Variants in KLHL42 observed in about 807,000 individuals in gnomAD.
KLHL42 encodes kelch like family member 42.
In KLHL42, 27 loss-of-function variants were observed where a neutral mutation model predicts 32.7. The ratio of observed to expected loss-of-function variants is 0.83; its 90% CI spans 0.61 to 1.14. KLHL42 has a LOEUF of 1.14. Among genes scored for constraint, KLHL42 ranks in the 50% most tolerant of loss-of-function variants. The pLI, the probability that KLHL42 is intolerant of heterozygous loss-of-function variation, is 0.00. For missense variants in KLHL42, 491 were observed against 560.8 expected (o/e 0.88, Z 1.26); for synonymous variants, 267 against 248.2 (o/e 1.08, Z -0.71).
Position 27,781,096 on chromosome 12 carries a change from T to C in KLHL42, c.766T>C (p.Phe256Leu). ...YGSAILDNYL[F>L]IVGGYRITSQ... ...GTCTGCCATCCTGGACAACTACCTC[T>C]TCATAGTGGGCGGGTACAGGATCAC... is the stretch of plus-strand genomic sequence containing the variant. The change falls in exon 1 of 3, where the codon TTC becomes CTC. Residue 256 changes from phenylalanine to leucine, a missense_variant. Coordinates refer to ENST00000381271, the MANE Select transcript of KLHL42 (RefSeq NM_020782.2). The C allele has an allele frequency of 1.9e-6, 3 of 1,614,156 alleles. No homozygotes were observed. In the African/African-American group the frequency reaches 4.0e-5, roughly 22 times the overall value.
chr12:27,780,249 C>A lies in KLHL42; in HGVS notation c.-82C>A. 1 of 1,324,330 alleles carries A rather than the reference C, an allele frequency of 7.6e-7. No individual in the cohort carries two copies. Among genetic ancestry groups the A allele is most frequent in the African/African-American group, 1.6e-5 (1 of 64,510 alleles). 82.0% of individuals were successfully genotyped at this position (1,324,330 alleles called of 1,614,324 possible). A position where few individuals can be genotyped will look rare whatever the true frequency, so the allele number is the denominator to read the frequency against. Reference sequence around the variant, plus strand: ...CGGGCCGCCATCCCTCGGCGCCCCGCCCGGAACCGGCGCGCGCGTAGGGGC... The same window carrying A: ...CGGGCCGCCATCCCTCGGCGCCCCGACCGGAACCGGCGCGCGCGTAGGGGC... On this transcript the variant is annotated 5_prime_UTR_variant, in exon 1 of 3. Coordinates refer to ENST00000381271, the MANE Select transcript of KLHL42 (RefSeq NM_020782.2). The surrounding 1 kb of genome is among the most constrained non-coding windows in gnomAD (Gnocchi z 8.8).
Position 27,797,697 on chromosome 12 carries a change from T to C in KLHL42, c.1067-18T>C. The C allele has an allele frequency of 1.5e-6, 1 of 680,140 alleles. No homozygotes were observed. Among genetic ancestry groups the C allele is most frequent in the Non-Finnish European group, 2.7e-6 (1 of 374,094 alleles). 42.1% of individuals were successfully genotyped at this position (680,140 alleles called of 1,614,324 possible). Reference sequence around the variant, plus strand: ...TGTTAGTGGAGGCGGTGTCATCACTTGTCTTTCTTTCTTTCAGACCGGAAC... The same window carrying C: ...TGTTAGTGGAGGCGGTGTCATCACTCGTCTTTCTTTCTTTCAGACCGGAAC... On this transcript the variant is annotated intron_variant, in intron 2 of 2. Transcript: ENST00000381271.
In KLHL42 at chr12:27,799,931, C is replaced by T; in HGVS notation, c.*1765C>T. 2.3e-6 allele frequency: 2 copies of T among 878,748 alleles called. No homozygotes were observed. Among genetic ancestry groups the T allele is most frequent in the Non-Finnish European group, 2.7e-6 (2 of 732,782 alleles). The allele number at this position is 878,748 out of a possible 1,614,324, so 54.4% of individuals were successfully genotyped here. ...ATATTAAGCCCTTAAAAAAATAAAA[C>T]CTCTGAACCAAAATCTTCCCAGGAA... On this transcript the variant is annotated 3_prime_UTR_variant, in exon 3 of 3. Transcript: ENST00000381271.
At chr12:27,782,984 C>T (rs1341004112) in intron 1 of KLHL42, among the ~76,000 whole-genome samples, 1 of 151,832 alleles carries the variant, frequency 6.6e-6, no homozygotes, top group Non-Finnish European at 1.5e-5. Context: ...TACAGTTAAC[C>T]CTTAAACAAT....
At chr12:27,781,282 C>A (rs1478003913) in intron 1 of KLHL42, 80 bp downstream of exon 1, 6 of 1,462,264 alleles carry the variant, frequency 4.1e-6, no homozygotes, top group Non-Finnish European at 4.6e-6. Context: ...TTTACTGAGC[C>A]AGTAAATAGG....
rs2062144115 is a variant in KLHL42 at position 27,780,849 on chromosome 12, C to G, written c.519C>G (p.Pro173=). Residue 173 remains proline (P), a synonymous_variant, in exon 1 of 3, where the codon CCC becomes CCG. Transcript: ENST00000381271. This position sits in a 1 kb window ranked among gnomAD's most constrained non-coding sequence, Gnocchi z 8.8. The stretch of plus-strand genomic sequence containing the variant: ...AGTTCCACCTCCTGGGGTCTCCTCC[C>G]CAAGCTCCAGGGGATGTCAGCCTGA... The part of the protein sequence containing the change: ...KPQFHLLGSP[P]QAPGDVSLKQ... The G allele has an allele frequency of 1.2e-6, 2 of 1,613,796 alleles. No individual in the cohort carries two copies. Among genetic ancestry groups the G allele is most frequent in the Non-Finnish European group, 1.7e-6 (2 of 1,179,986 alleles).
At position 27,781,133 on chromosome 12, in the gene KLHL42, TCTC is replaced by T. The variant is rs764208505; in HGVS notation, c.805_807del (p.Ser269del). The T allele has an allele frequency of 2.5e-6, 4 of 1,614,102 alleles. No individual in the cohort carries two copies. The highest frequency in any genetic ancestry group is 3.3e-5 in the Admixed American group (2 of 60,016). ...GGGTACAGGATCACTAGCCAGGAGA[TCTC>T]CGCTGCGCATTCCTACAACCCCAGC... On this transcript the variant is annotated inframe_deletion, in exon 1 of 3. Transcript: ENST00000381271.
chr12:27,795,699 A>G (rs1462791791), intron 2 of KLHL42, among the ~76,000 whole-genome samples: 2 of 152,240 alleles, frequency 1.3e-5, no homozygotes, highest in Non-Finnish European at 2.9e-5. Flanking sequence ...TTAGTAAATA[A>G]TAGCTCATTA....
chr12:27,781,449 C>T (rs1355083538), intron 1 of KLHL42, among the ~76,000 whole-genome samples: 1 of 152,184 alleles, frequency 6.6e-6, no homozygotes, highest in South Asian at 2.1e-4. Context: ...TTAGGTGAAA[C>T]TGCTTTCTTT....
At position 27,783,839 on chromosome 12, in the gene KLHL42, C is replaced by T. The variant is rs1240212389; in HGVS notation, c.872+2637C>T. Among the ~76,000 whole-genome samples, 5 of 152,134 alleles carry T rather than the reference C, an allele frequency of 3.3e-5. No individual in the cohort carries two copies. In the South Asian group the frequency reaches 8.3e-4, roughly 25 times the overall value. On this transcript the variant is annotated intron_variant, in intron 1 of 2. Coordinates refer to ENST00000381271, the MANE Select transcript of KLHL42 (RefSeq NM_020782.2). ...GACCTCGTGATCCGCCCGCCTCAGC[C>T]TCCCAAAGTGCTGGGATTACAGGCG...
chr12:27,781,825 T>G (rs758782889), intron 1 of KLHL42, among the ~76,000 whole-genome samples: 3 of 152,218 alleles, frequency 2.0e-5, no homozygotes, highest in Non-Finnish European at 4.4e-5. Flanking sequence ...AGAATTGGAA[T>G]ATTTTCATTT....
rs906294120 is a variant in KLHL42, at chr12:27,802,061, T to G, written c.*3895T>G. The G allele has an allele frequency of 2.0e-5, 3 of 152,178 alleles. No individual in the cohort carries two copies. The highest frequency in any genetic ancestry group is 7.2e-5 in the African/African-American group (3 of 41,426). 9.4% of individuals were successfully genotyped at this position (152,178 alleles called of 1,614,324 possible). A position where few individuals can be genotyped will look rare whatever the true frequency, so the allele number is the denominator to read the frequency against. Reference sequence around the variant, plus strand: ...CCTGTCCGTCCTTTGTTTTTGTGATTTACTAACAATCATCACGAACCAGTT... The same window carrying G: ...CCTGTCCGTCCTTTGTTTTTGTGATGTACTAACAATCATCACGAACCAGTT... On this transcript the variant is annotated 3_prime_UTR_variant, in exon 3 of 3. Transcript: ENST00000381271.
intron 1 of KLHL42, among the ~76,000 whole-genome samples, chr12:27,783,620 C>T (rs745595364): frequency 2.7e-4 from 41 of 151,970 alleles, no homozygotes; most frequent in Middle Eastern, 3.4e-3. Context: ...CTCGCTCTGT[C>T]GCCCAGGCTG....
chr12:27,786,217 A>G (rs1464201927), intron 1 of KLHL42, among the ~76,000 whole-genome samples: 1 of 152,174 alleles, frequency 6.6e-6, no homozygotes, highest in Non-Finnish European at 1.5e-5. Context: ...CTTCATGCAC[A>G]TTTCCCCCCT....
At position 27,780,369 on chromosome 12, in the gene KLHL42, C is replaced by T. The variant is rs1210584091; in HGVS notation, c.39C>T (p.Asp13=). ...AEEMVQIRLE[D]RCYPVSKRKL... Reference sequence around the variant, plus strand: ...AGATGGTGCAGATCCGCCTGGAGGACCGCTGCTACCCGGTGAGCAAGAGGA... The same window carrying T: ...AGATGGTGCAGATCCGCCTGGAGGATCGCTGCTACCCGGTGAGCAAGAGGA... The change falls in exon 1 of 3, where the codon GAC becomes GAT. Residue 13 remains aspartate (D), a synonymous_variant. Coordinates refer to ENST00000381271, the MANE Select transcript of KLHL42 (RefSeq NM_020782.2). The surrounding 1 kb of genome is among the most constrained non-coding windows in gnomAD (Gnocchi z 8.8). 6.3e-7 allele frequency: 1 copy of T among 1,582,018 alleles called. No homozygotes were observed. Among genetic ancestry groups the T allele is most frequent in the Non-Finnish European group, 8.6e-7 (1 of 1,166,778 alleles).
chr12:27,785,913 A>T (rs2062170124), intron 1 of KLHL42, among the ~76,000 whole-genome samples: 1 of 152,246 alleles, frequency 6.6e-6, no homozygotes, highest in African/African-American at 2.4e-5. Context: ...TTACCTTGGT[A>T]ACAGTCATTA....
At chr12:27,788,957 A>G (rs1315334670) in intron 1 of KLHL42, among the ~76,000 whole-genome samples, 1 of 152,228 alleles carries the variant, frequency 6.6e-6, no homozygotes, top group Non-Finnish European at 1.5e-5. Context: ...TTGAATTTAT[A>G]CCTTTACCAT....
rs1475913223 is a variant in KLHL42, at chr12:27,801,888, A to T, written c.*3722A>T. On this transcript the variant is annotated 3_prime_UTR_variant, in exon 3 of 3. Coordinates refer to ENST00000381271, the MANE Select transcript of KLHL42 (RefSeq NM_020782.2). ...ATGCTAAGAACAGAATACAGACATA[A>T]ATAAGTCACGGCCCATGACCTTGAA... is the stretch of plus-strand genomic sequence containing the variant. 2 of 152,204 alleles carry T rather than the reference A, an allele frequency of 1.3e-5. No homozygotes were observed. Among genetic ancestry groups the T allele is most frequent in the Non-Finnish European group, 2.9e-5 (2 of 68,028 alleles). 9.4% of individuals were successfully genotyped at this position (152,204 alleles called of 1,614,324 possible).
rs749048754 is a variant in KLHL42 at position 27,780,660 on chromosome 12, C to T, written c.330C>T (p.Ser110=). 6.3e-6 allele frequency: 10 copies of T among 1,586,218 alleles called. No individual in the cohort carries two copies. The Admixed American group carries it at 1.2e-4, about 19-fold the overall frequency. Residue 110 remains serine, a synonymous_variant, in exon 1 of 3, where the codon TCC becomes TCT. Coordinates refer to ENST00000381271, the MANE Select transcript of KLHL42 (RefSeq NM_020782.2). The surrounding 1 kb of genome is among the most constrained non-coding windows in gnomAD (Gnocchi z 8.8). ...TGTCCGAGCTGGTGGAGGCGGCCTC[C>T]TTCCTGCAGGTCACGTCCCTGCTGC... ...SLLSELVEAA[S]FLQVTSLLQL...
Sources: gnomAD v4.1 joint callset for allele counts (sites outside exome capture counted in the v4.1 genomes callset) on GRCh38, gnomAD v4.1.1 for gene constraint, Gnocchi (gnomAD v3.1) non-coding constraint, MANE v1.5 for transcripts, NCBI Gene and HGNC (gene_info 2026-07-23, HGNC 2026-07-21) for gene names.